SHQ1: variants seen among roughly 807,000 people sequenced by gnomAD.
SHQ1 encodes the protein SHQ1, H/ACA ribonucleoprotein assembly factor.
SHQ1 carries 49 observed loss-of-function variants against 53.8 expected under a neutral mutation model. The ratio of observed to expected loss-of-function variants is 0.91; its 90% CI spans 0.72 to 1.16. The LOEUF (loss-of-function observed/expected upper bound fraction) is 1.16, where lower values mean the gene tolerates loss of function less well. Ranked by LOEUF, SHQ1 falls within the 50% of genes most tolerant of loss-of-function variation. SHQ1 has a pLI of 0.00. For synonymous variants in SHQ1, 243 were observed against 251.0 expected (o/e 0.97, Z 0.30); for missense variants, 738 against 683.1 (o/e 1.08, Z -0.90).
chr3:72,735,051 G>C, the SHQ1 span, among the ~76,000 whole-genome samples: 1 of 151,642 alleles, frequency 6.6e-6, no homozygotes, highest in Admixed American at 6.6e-5. Context: ...TGGTGTTCTA[G>C]AACTGTGGTT....
chr3:72,781,217 G>A (rs992858542), intron 10 of SHQ1, among the ~76,000 whole-genome samples: 1 of 151,882 alleles, frequency 6.6e-6, no homozygotes, highest in Non-Finnish European at 1.5e-5. Context: ...GTGCCACCAT[G>A]CTAATTTTTG....
intron 10 of SHQ1, among the ~76,000 whole-genome samples, chr3:72,786,302 T>A (rs1312981547): frequency 6.6e-6 from 1 of 152,186 alleles, no homozygotes; most frequent in Non-Finnish European, 1.5e-5. Flanking sequence ...CTTCCCAGAA[T>A]GTCAGTCTCA....
the SHQ1 span, among the ~76,000 whole-genome samples, chr3:72,739,032 C>T: frequency 2.0e-5 from 3 of 152,346 alleles, no homozygotes; most frequent in Admixed American, 1.3e-4. Context: ...CGCGGATTAG[C>T]GGGTTGGCTC....
chr3:72,798,439 G>A (rs141123134), intron 9 of SHQ1, among the ~76,000 whole-genome samples: 5 of 152,116 alleles, frequency 3.3e-5, no homozygotes, highest in African/African-American at 1.2e-4. Flanking sequence ...GTTTTACTTC[G>A]GGGAAAGACT....
chr3:72,846,663 C>T (rs1708339675), intron 1 of SHQ1, among the ~76,000 whole-genome samples: 1 of 152,070 alleles, frequency 6.6e-6, no homozygotes, highest in African/African-American at 2.4e-5. Flanking sequence ...GTCTATGTTC[C>T]CTCCCCTTAA....
At chr3:72,771,622 G>A (rs1480692368) in intron 10 of SHQ1, among the ~76,000 whole-genome samples, 2 of 152,184 alleles carry the variant, frequency 1.3e-5, no homozygotes, top group Non-Finnish European at 2.9e-5. Flanking sequence ...TACTTTAAAA[G>A]GGTCTGGACC....
intron 5 of SHQ1, among the ~76,000 whole-genome samples, chr3:72,830,118 A>G (rs1010277721): frequency 3.9e-5 from 6 of 152,098 alleles, no homozygotes; most frequent in African/African-American, 1.4e-4. Flanking sequence ...ATGCCAAAAA[A>G]AAAAAAACAG....
At chr3:72,746,329 A>G (rs1187123590), downstream of SHQ1, among the ~76,000 whole-genome samples, 1 of 151,928 alleles carries the variant, frequency 6.6e-6, no homozygotes, top group African/African-American at 2.4e-5. Flanking sequence ...TTTTTCTCCC[A>G]TCATCTAGGA....
chr3:72,747,962 CTGAG>C (rs972515832), downstream of SHQ1, among the ~76,000 whole-genome samples: 8 of 151,658 alleles, frequency 5.3e-5, no homozygotes, highest in Admixed American at 4.6e-4. Context: ...GCACTCCAGC[CTGAG>C]TGACAGAACA....
chr3:72,772,672 T>C (rs1705879840), intron 10 of SHQ1: 1 of 720,838 alleles, frequency 1.4e-6, no homozygotes, highest in Non-Finnish European at 2.6e-6. Flanking sequence ...TGATGGTGCT[T>C]CCATCAAGTA....
At chr3:72,818,226 G>C (rs996518468) in intron 6 of SHQ1, among the ~76,000 whole-genome samples, 2 of 151,836 alleles carry the variant, frequency 1.3e-5, no homozygotes, top group Non-Finnish European at 2.9e-5. Flanking sequence ...AAAGTCAACT[G>C]GTGTGTAACT....
At chr3:72,765,557 A>ATATATATATTTTTTT (rs1491527508) in intron 10 of SHQ1, among the ~76,000 whole-genome samples, 7 of 57,180 alleles carry the variant, frequency 1.2e-4, no homozygotes, top group African/African-American at 4.0e-4. Context: ...ATATATATAT[A>ATATATATATTTTTTT]TTTTTTTTTT....
rs1381866990 is a variant in SHQ1, at chr3:72,832,462, A to G, written c.506T>C (p.Ile169Thr). ...QRLQDELSDV[I>T]DIKDPDFTPA... ...GGTGAAATCTGGATCCTTAATATCAATAACATCACTCAGTTCATCCTGAGG... is the reference window on the plus strand; with the variant it reads ...GGTGAAATCTGGATCCTTAATATCAGTAACATCACTCAGTTCATCCTGAGG... The change falls in exon 5 of 11, where the codon ATT becomes ACT. Residue 169 changes from isoleucine to threonine, a missense_variant. By Grantham distance (89) the Ile-to-Thr change is moderately conservative. Transcript: ENST00000325599. 3.7e-6 allele frequency: 6 copies of G among 1,611,856 alleles called. No homozygotes were observed. The highest frequency in any genetic ancestry group is 5.1e-6 in the Non-Finnish European group (6 of 1,179,214).
the SHQ1 span, among the ~76,000 whole-genome samples, chr3:72,741,574 G>C: frequency 1.3e-5 from 2 of 150,952 alleles, no homozygotes; most frequent in African/African-American, 2.4e-5. Flanking sequence ...AACAGAGTGA[G>C]ACTCTGTCTC....
intron 1 of SHQ1, chr3:72,846,371 T>C: frequency 6.9e-7 from 1 of 1,454,902 alleles, no homozygotes; most frequent in Non-Finnish European, 9.2e-7. Flanking sequence ...CTTGGCTCAC[T>C]GCAACCTTCG....
At chr3:72,765,349 T>C (rs1310806898) in intron 10 of SHQ1, among the ~76,000 whole-genome samples, 2 of 151,680 alleles carry the variant, frequency 1.3e-5, no homozygotes, top group African/African-American at 2.4e-5. Context: ...CTTCCTTCTA[T>C]GGCACTAGCC....
intron 10 of SHQ1, among the ~76,000 whole-genome samples, chr3:72,787,421 A>T (rs904156786): frequency 3.9e-5 from 6 of 152,060 alleles, no homozygotes. Flanking sequence ...AAACAATAAA[A>T]TTTTTCCATG....
intron 10 of SHQ1, among the ~76,000 whole-genome samples, chr3:72,765,930 CT>C (rs1373080745): frequency 3.9e-5 from 6 of 152,054 alleles, no homozygotes; most frequent in Non-Finnish European, 7.4e-5. Flanking sequence ...AGCTTATATT[CT>C]TGTGTAAGAA....
At chr3:72,775,901 T>C (rs1037906766) in intron 10 of SHQ1, among the ~76,000 whole-genome samples, 1 of 152,230 alleles carries the variant, frequency 6.6e-6, no homozygotes, top group Non-Finnish European at 1.5e-5. Flanking sequence ...TGATAAAGCC[T>C]ATCTACAAAA....
Sources: allele counts gnomAD v4.1 joint callset (sites outside exome capture counted in the v4.1 genomes callset), GRCh38; gene constraint gnomAD v4.1.1; transcripts MANE v1.5; gene names NCBI Gene and HGNC (gene_info 2026-07-23, HGNC 2026-07-21).